HIPK3: variants seen among roughly 807,000 people sequenced by gnomAD.
The protein encoded by HIPK3 is homeodomain-interacting protein kinase 3.
A neutral mutation model predicts 124.2 loss-of-function variants in HIPK3; 47 were observed. That is an observed-to-expected ratio of 0.38 (90% confidence interval 0.30 to 0.48). The LOEUF is 0.48. Ranked by LOEUF, HIPK3 falls within the 20% of genes least tolerant of loss-of-function variation. The pLI, the probability that HIPK3 is intolerant of heterozygous loss-of-function variation, is 0.98. For synonymous variants in HIPK3, 482 were observed against 515.2 expected, an observed-to-expected ratio of 0.94 and a Z score of 0.87; for missense variants, 1,286 against 1,454.3, an observed-to-expected ratio of 0.88 and a Z score of 1.88.
chr11:33,354,549 A>G lies in HIPK3; in HGVS notation c.*981A>G, dbSNP rs4755571. On this transcript the variant is annotated 3_prime_UTR_variant, in exon 17 of 17. Coordinates refer to ENST00000303296, the MANE Select transcript of HIPK3 (RefSeq NM_005734.5). ...AGGCATGACTTTGGGTAGATAATAA[A>G]ATGCAAAATGCTCATTGATTCATGA... 44,043 of 152,410 alleles carry G rather than the reference A, an allele frequency of 0.29. 7,333 individuals are homozygous for G. Among genetic ancestry groups the G allele is most frequent in the Middle Eastern group, 0.43 (127 of 294 alleles). 9.4% of individuals were successfully genotyped at this position (152,410 alleles called of 1,614,324 possible).
chr11:33,279,324 C>CAAAAA (rs869091127), intron 1 of HIPK3, among the ~76,000 whole-genome samples: 7 of 77,500 alleles, frequency 9.0e-5, no homozygotes, highest in East Asian at 4.0e-4. Flanking sequence ...CTCTTTGTCT[C>CAAAAA]AAAAAAAAAA....
intron 2 of HIPK3, among the ~76,000 whole-genome samples, chr11:33,321,437 A>T (rs1445046432): frequency 2.6e-5 from 4 of 152,150 alleles, no homozygotes; most frequent in Non-Finnish European, 5.9e-5. Flanking sequence ...TTTTTCCAAG[A>T]TGGAGATCTA....
chr11:33,273,303 G>T (rs1434083544), intron 1 of HIPK3, among the ~76,000 whole-genome samples: 1 of 152,024 alleles, frequency 6.6e-6, no homozygotes, highest in Non-Finnish European at 1.5e-5. Context: ...AGGAGATCAA[G>T]ACCATCCTGG....
intron 3 of HIPK3, among the ~76,000 whole-genome samples, chr11:33,331,318 T>TTTA (rs1422410246): frequency 6.6e-6 from 1 of 152,216 alleles, no homozygotes; most frequent in African/African-American, 2.4e-5. Context: ...CTCTCTCTAT[T>TTTA]ATCTGTTCCT....
chr11:33,258,598 C>T (rs978689301), intron 1 of HIPK3: 37 of 985,262 alleles, frequency 3.8e-5, no homozygotes, highest in Non-Finnish European at 4.3e-5. Flanking sequence ...GGCTGCCGCC[C>T]GCTTCCCTTC....
chr11:33,348,481 AT>A (rs757728184), intron 12 of HIPK3, 40 bp from the exon 13 acceptor site: 3 of 1,477,946 alleles, frequency 2.0e-6, no homozygotes, highest in Non-Finnish European at 2.8e-6. Context: ...GATTATACAT[AT>A]TTTGATTATA....
At chr11:33,277,196 C>T (rs1027708169) in intron 1 of HIPK3, among the ~76,000 whole-genome samples, 1 of 152,116 alleles carries the variant, frequency 6.6e-6, no homozygotes, top group Non-Finnish European at 1.5e-5. Context: ...CTTCTCTTTT[C>T]TTCCTTGACA....
intron 2 of HIPK3, among the ~76,000 whole-genome samples, chr11:33,305,047 C>T (rs1852114812): frequency 6.6e-6 from 1 of 152,196 alleles, no homozygotes; most frequent in South Asian, 2.1e-4. Context: ...GTCGCCCAGG[C>T]TGGAGTACAG....
At chr11:33,268,591 C>CAAAAAA (rs35408664) in intron 1 of HIPK3, among the ~76,000 whole-genome samples, 6 of 76,024 alleles carry the variant, frequency 7.9e-5, no homozygotes, top group Admixed American at 1.6e-4. Context: ...ACTCCGTCAC[C>CAAAAAA]AAAAAAAAAA....
Position 33,286,507 on chromosome 11 carries a change from CA to C in HIPK3, c.94del (p.Ser32ValfsTer14). 1 of 1,612,966 alleles carries C rather than the reference CA, an allele frequency of 6.2e-7. No individual in the cohort carries two copies. Among genetic ancestry groups the C allele is most frequent in the Non-Finnish European group, 8.5e-7 (1 of 1,179,922 alleles). On this transcript the variant is annotated frameshift_variant, in exon 2 of 17. Transcript: ENST00000303296. LOFTEE classifies it high-confidence loss of function. ...TGAAGAAACTCAAAGTAGAGCCAAG[CA>C]GTTGTGTATTCCAGGAAAGAAACTA... ...SVKKLKVEPSSCVFQERNYPR... is the reference protein window; with the variant it reads ...SVKKLKVEPSXCVFQERNYPR...
intron 1 of HIPK3, among the ~76,000 whole-genome samples, chr11:33,282,404 G>A (rs946484527): frequency 8.6e-5 from 13 of 151,102 alleles, no homozygotes; most frequent in Admixed American, 1.3e-4. Flanking sequence ...AAATTGGGCC[G>A]GGTGCCATGG....
At chr11:33,270,846 A>T (rs1408303470) in intron 1 of HIPK3, among the ~76,000 whole-genome samples, 5 of 152,214 alleles carry the variant, frequency 3.3e-5, no homozygotes, top group African/African-American at 9.7e-5. Context: ...AAACATTGTT[A>T]TATCCAGTTA....
In HIPK3 at chr11:33,351,742, C is replaced by T; in HGVS notation, c.2942C>T (p.Ser981Phe). 2.5e-6 allele frequency: 4 copies of T among 1,614,178 alleles called. No homozygotes were observed. The highest frequency in any genetic ancestry group is 3.4e-6 in the Non-Finnish European group (4 of 1,180,028). The change falls in exon 15 of 17, where the codon TCC becomes TTC. Residue 981 changes from serine to phenylalanine, a missense_variant. By Grantham distance (155) the Ser-to-Phe change is radical (BLOSUM62 -2). Coordinates refer to ENST00000303296, the MANE Select transcript of HIPK3 (RefSeq NM_005734.5). ...ACTCATGAAAACACAGAATTGGTAT[C>T]CTCTGCTGACACAGAAACCAAGCCA... ...EDTHENTELVSSADTETKPAV... is the reference protein window; with the variant it reads ...EDTHENTELVFSADTETKPAV...
At chr11:33,261,851 C>T (rs2133861062) in intron 1 of HIPK3, among the ~76,000 whole-genome samples, 1 of 152,288 alleles carries the variant, frequency 6.6e-6, no homozygotes, top group East Asian at 1.9e-4. Context: ...GTATCAGCCT[C>T]CCCTTTTCTC....
intron 2 of HIPK3, among the ~76,000 whole-genome samples, chr11:33,299,513 T>C (rs574554439): frequency 6.6e-6 from 1 of 152,012 alleles, no homozygotes; most frequent in South Asian, 2.1e-4. Flanking sequence ...AGATGGAATC[T>C]AATGCTGGTG....
At chr11:33,259,677 T>C (rs1850772719) in intron 1 of HIPK3, among the ~76,000 whole-genome samples, 1 of 152,152 alleles carries the variant, frequency 6.6e-6, no homozygotes, top group Non-Finnish European at 1.5e-5. Flanking sequence ...TTTTTTGAAA[T>C]TTACTTATTT....
intron 1 of HIPK3, among the ~76,000 whole-genome samples, chr11:33,282,715 C>A (rs61887925): frequency 0.013 from 2,011 of 152,108 alleles, 27 homozygotes; most frequent in Non-Finnish European, 0.018. Flanking sequence ...TTAATCATCT[C>A]TTTTTCTGAG....
intron 2 of HIPK3, among the ~76,000 whole-genome samples, chr11:33,322,674 A>G (rs1163922736): frequency 6.6e-6 from 1 of 152,064 alleles, no homozygotes; most frequent in Non-Finnish European, 1.5e-5. Flanking sequence ...AAAAACACAA[A>G]AATTAGCCTG....
In HIPK3 at chr11:33,351,711, G is replaced by A. The variant is rs371973544; in HGVS notation, c.2911G>A (p.Glu971Lys). The change falls in exon 15 of 17, where the codon GAG (glutamate) becomes AAG (lysine). Residue 971 changes from glutamate to lysine, a missense_variant. Coordinates refer to ENST00000303296, the MANE Select transcript of HIPK3 (RefSeq NM_005734.5). ...TCCATTTGCAGAGAGCACTTTTGTGGAGGACACTCATGAAAACACAGAATT... is the reference window on the plus strand; with the variant it reads ...TCCATTTGCAGAGAGCACTTTTGTGAAGGACACTCATGAAAACACAGAATT... ...DSPFAESTFVEDTHENTELVS... is the reference protein window; with the variant it reads ...DSPFAESTFVKDTHENTELVS... The A allele has an allele frequency of 1.3e-5, 21 of 1,614,080 alleles. No individual in the cohort carries two copies. Among genetic ancestry groups the A allele is most frequent in the Non-Finnish European group, 1.7e-5 (20 of 1,180,032 alleles).
Sources: allele counts gnomAD v4.1 joint callset (sites outside exome capture counted in the v4.1 genomes callset), GRCh38; gene constraint gnomAD v4.1.1; transcripts MANE v1.5; gene names NCBI Gene and HGNC (gene_info 2026-07-23, HGNC 2026-07-21).